PCDH9: variants seen among roughly 807,000 people sequenced by gnomAD.
PCDH9 encodes the protein protocadherin 9, also known as protocadherin-9.
Under a neutral mutation model 70.6 loss-of-function variants are expected in PCDH9, and 24 were observed. That is an observed-to-expected ratio of 0.34 (90% CI 0.25 to 0.48). The LOEUF (loss-of-function observed/expected upper bound fraction) is 0.48. Among genes scored for constraint, PCDH9 ranks in the 20% least tolerant of loss-of-function variants. The probability of loss-of-function intolerance (pLI) is 0.99; values close to 1 mark genes in which losing one functional copy is unlikely to be tolerated. For missense variants in PCDH9, 1,281 were observed against 1,503.6 expected (o/e 0.85, Z 2.45); for synonymous variants, 562 against 558.5 (o/e 1.01, Z -0.09).
chr13:66,571,426 A>T (rs1397402848), intron 4 of PCDH9, among the ~76,000 whole-genome samples: 2 of 152,096 alleles, frequency 1.3e-5, no homozygotes, highest in East Asian at 3.8e-4. Context: ...TATAATGGCC[A>T]TAGATTGAAT....
intron 3 of PCDH9, among the ~76,000 whole-genome samples, chr13:66,728,015 C>T (rs1254477143): frequency 1.3e-5 from 2 of 152,066 alleles, no homozygotes; most frequent in Admixed American, 6.5e-5. Flanking sequence ...AAATATGTCT[C>T]TCCATACTTT....
At chr13:66,883,067 G>A (rs1377781685) in intron 3 of PCDH9, among the ~76,000 whole-genome samples, 5 of 151,948 alleles carry the variant, frequency 3.3e-5, no homozygotes, top group Admixed American at 1.3e-4. Context: ...AACACATGCT[G>A]CACACATTCA....
chr13:66,682,237 G>A (rs574935477), intron 3 of PCDH9, among the ~76,000 whole-genome samples: 1 of 151,782 alleles, frequency 6.6e-6, no homozygotes, highest in East Asian at 1.9e-4. Flanking sequence ...TTTATGTATT[G>A]TGGCCCTTTA....
chr13:67,060,876 T>C (rs1311169217), intron 2 of PCDH9, among the ~76,000 whole-genome samples: 1 of 152,124 alleles, frequency 6.6e-6, no homozygotes, highest in Non-Finnish European at 1.5e-5. Context: ...AAAGGCTTCC[T>C]TTAAGATCAT....
At chr13:66,437,134 G>T (rs2138390360) in intron 4 of PCDH9, among the ~76,000 whole-genome samples, 1 of 151,564 alleles carries the variant, frequency 6.6e-6, no homozygotes, top group South Asian at 2.1e-4. Flanking sequence ...AGAGAAAACA[G>T]GCCGGGCTCA....
chr13:66,727,141 ACCT>A, intron 3 of PCDH9, among the ~76,000 whole-genome samples: 1 of 152,024 alleles, frequency 6.6e-6, no homozygotes, highest in African/African-American at 2.4e-5. Context: ...GTTGGCACAC[ACCT>A]GTAGTCCTAG....
At chr13:66,916,610 A>G (rs1032485746) in intron 2 of PCDH9, among the ~76,000 whole-genome samples, 1 of 151,522 alleles carries the variant, frequency 6.6e-6, no homozygotes, top group Non-Finnish European at 1.5e-5. Context: ...TATAGCTCTG[A>G]GTCTAAGAGC....
chr13:66,591,026 G>T lies in PCDH9; in HGVS notation c.3340+40184C>A, dbSNP rs554448467. ...AGACTCTAGACAATCTTTACTTGAT[G>T]TTTAAAAATATGTACTTCACTTCTT... On this transcript the variant is annotated intron_variant, in intron 4 of 4. Coordinates refer to ENST00000377865, the MANE Select transcript of PCDH9 (RefSeq NM_203487.3). Among the ~76,000 whole-genome samples, 3 of 151,784 alleles carry T rather than the reference G, an allele frequency of 2.0e-5. No individual in the cohort carries two copies. The South Asian group carries it at 6.2e-4, about 32-fold the overall frequency.
At chr13:66,362,197 C>T (rs1162317043) in intron 4 of PCDH9, among the ~76,000 whole-genome samples, 1 of 152,006 alleles carries the variant, frequency 6.6e-6, no homozygotes, top group Non-Finnish European at 1.5e-5. Context: ...GATAGAGTAC[C>T]TGTATGTTTT....
chr13:66,583,776 A>G (rs777303923), intron 4 of PCDH9, among the ~76,000 whole-genome samples: 1 of 152,200 alleles, frequency 6.6e-6, no homozygotes, highest in Non-Finnish European at 1.5e-5. Flanking sequence ...AATTTTTGTA[A>G]GAAGATTTTT....
chr13:67,215,293 A>G (rs916202403), intron 2 of PCDH9: 1 of 152,004 alleles, frequency 6.6e-6, no homozygotes. Context: ...CACTGCATTA[A>G]TCACTATTCA....
chr13:66,996,445 A>T (rs747963914), intron 2 of PCDH9, among the ~76,000 whole-genome samples: 1 of 152,184 alleles, frequency 6.6e-6, no homozygotes, highest in Non-Finnish European at 1.5e-5. Context: ...TGGGTGAGGT[A>T]GGCCTCACAG....
chr13:66,774,370 C>T (rs149810781), intron 3 of PCDH9, among the ~76,000 whole-genome samples: 1 of 152,240 alleles, frequency 6.6e-6, no homozygotes, highest in Non-Finnish European at 1.5e-5. Flanking sequence ...AAGAAAGCAG[C>T]TCCCAAACAG....
chr13:67,102,996 T>C (rs1015164332), intron 2 of PCDH9, among the ~76,000 whole-genome samples: 1 of 151,962 alleles, frequency 6.6e-6, no homozygotes, highest in Admixed American at 6.6e-5. Context: ...AAAAAATAGG[T>C]AAATAATTAC....
chr13:66,413,576 C>T (rs1195155908), intron 4 of PCDH9, among the ~76,000 whole-genome samples: 2 of 152,086 alleles, frequency 1.3e-5, no homozygotes, highest in East Asian at 3.9e-4. Flanking sequence ...GTCCCAGCTA[C>T]TCAGGAGGCT....
At chr13:66,377,410 A>C (rs1165542661) in intron 4 of PCDH9, among the ~76,000 whole-genome samples, 1 of 152,202 alleles carries the variant, frequency 6.6e-6, no homozygotes, top group Admixed American at 6.5e-5. Context: ...CTGGTTCAGC[A>C]ACCATGGTAG....
chr13:66,369,611 T>C (rs1205073118), intron 4 of PCDH9, among the ~76,000 whole-genome samples: 1 of 152,138 alleles, frequency 6.6e-6, no homozygotes, highest in African/African-American at 2.4e-5. Context: ...TAATTTTATG[T>C]TCCTTATTAC....
intron 4 of PCDH9, among the ~76,000 whole-genome samples, chr13:66,499,143 T>C (rs930474757): frequency 5.9e-5 from 9 of 152,074 alleles, no homozygotes; most frequent in African/African-American, 2.2e-4. Context: ...TTATACCCTA[T>C]GTATTTTCAG....
chr13:66,413,221 A>G (rs1259207020), intron 4 of PCDH9, among the ~76,000 whole-genome samples: 1 of 152,194 alleles, frequency 6.6e-6, no homozygotes, highest in Non-Finnish European at 1.5e-5. Context: ...TTGATTTTTC[A>G]ATACTTAAGT....
Sources: allele counts gnomAD v4.1 joint callset (sites outside exome capture counted in the v4.1 genomes callset), GRCh38; gene constraint gnomAD v4.1.1; transcripts MANE v1.5; gene names NCBI Gene and HGNC (gene_info 2026-07-23, HGNC 2026-07-21).